The following LMNB2 variants were observed in gnomAD, a reference collection of about 807,000 sequenced individuals.
LMNB2 encodes the protein lamin B2, also known as lamin-B2.
In LMNB2, 17 loss-of-function variants were observed where a neutral mutation model predicts 69.3. The ratio of observed to expected loss-of-function variants is 0.25; its 90% confidence interval spans 0.17 to 0.37. LMNB2 has a LOEUF of 0.37. Ranked by LOEUF, LMNB2 falls within the 10% of genes least tolerant of loss-of-function variation. The pLI is 1.00. For missense variants in LMNB2, 789 were observed against 883.6 expected (o/e 0.89, Z 1.36); for synonymous variants, 397 against 389.3 (o/e 1.02, Z -0.23).
chr19:2,455,098 C>G (rs1203121449), intron 1 of LMNB2, among the ~76,000 whole-genome samples: 1 of 152,038 alleles, frequency 6.6e-6, no homozygotes, highest in Non-Finnish European at 1.5e-5. Context: ...CCGTGGGACC[C>G]CAAGGTATCA....
In LMNB2 at chr19:2,453,666, T is replaced by A. The variant is rs1027902948; in HGVS notation, c.264+3004A>T. 7.9e-5 allele frequency among the ~76,000 whole-genome samples: 12 copies of A among 151,976 alleles called. No homozygotes were observed. Among genetic ancestry groups the A allele is most frequent in the South Asian group, 2.1e-4 (1 of 4,816 alleles). ...AGACCCGCATTTCACCCAGCCTGAGTGAACTGAGTTGTAAAGGATGCTGCT... is the reference window on the plus strand; with the variant it reads ...AGACCCGCATTTCACCCAGCCTGAGAGAACTGAGTTGTAAAGGATGCTGCT... On this transcript the variant is annotated intron_variant, in intron 1 of 11. Coordinates refer to ENST00000325327, the MANE Select transcript of LMNB2 (RefSeq NM_032737.4). This position sits in a 1 kb window ranked among gnomAD's most constrained non-coding sequence, Gnocchi z 4.4.
At position 2,435,283 on chromosome 19, in the gene LMNB2, T is replaced by C. The variant is rs1971808791; in HGVS notation, c.685-112A>G. ...AACCTCCAGGCAATTCCTGGTTCCT[T>C]GTGCACAAGTTACAAACCGATACAC... On this transcript the variant is annotated intron_variant, in intron 4 of 11. Transcript: ENST00000325327. The C allele has an allele frequency of 2.1e-6, 3 of 1,437,528 alleles. No homozygotes were observed. The African/African-American group carries it at 4.2e-5, about 20-fold the overall frequency. The allele number at this position is 1,437,528 out of a possible 1,614,324, so 89.0% of individuals were successfully genotyped here. A position where few individuals can be genotyped will look rare whatever the true frequency, so the allele number is the denominator to read the frequency against.
chr19:2,431,980 C>A, intron 9 of LMNB2, 78 bp from the exon 10 acceptor site: 1 of 1,534,458 alleles, frequency 6.5e-7, no homozygotes, highest in Non-Finnish European at 8.8e-7. Context: ...GCCCCTACCA[C>A]AAAGCCCCCT....
At chr19:2,431,734 A>ACC in intron 10 of LMNB2, 49 bp downstream of exon 10, 1 of 1,613,370 alleles carries the variant, frequency 6.2e-7, no homozygotes, top group Non-Finnish European at 8.5e-7. Context: ...GGGTGCCCAG[A>ACC]CCCTGCCCAG....
At chr19:2,444,606 G>T in intron 1 of LMNB2, 66 bp from the exon 2 acceptor site, 2 of 1,586,990 alleles carry the variant, frequency 1.3e-6, no homozygotes, top group Non-Finnish European at 1.7e-6. Context: ...CAGTCAGGGG[G>T]CCCGGCCACT....
chr19:2,456,641 C>A, intron 1 of LMNB2, 29 bp downstream of exon 1: 1 of 1,459,478 alleles, frequency 6.9e-7, no homozygotes, highest in South Asian at 1.3e-5. Flanking sequence ...GGCTGCACCC[C>A]CGCCCGGCCC....
At chr19:2,452,469 T>G (rs1183231120) in intron 1 of LMNB2, among the ~76,000 whole-genome samples, 7 of 147,086 alleles carry the variant, frequency 4.8e-5, no homozygotes, top group African/African-American at 7.6e-5. Flanking sequence ...GGCTCACACC[T>G]GCAATCCCAG....
At chr19:2,445,580 C>T (rs1423155603) in intron 1 of LMNB2, among the ~76,000 whole-genome samples, 2 of 127,470 alleles carry the variant, frequency 1.6e-5, no homozygotes, top group Non-Finnish European at 3.2e-5. Context: ...TAGTCAGAGT[C>T]CCCAACTCCC....
rs1318277920 is a variant in LMNB2 at position 2,429,033 on chromosome 19, C to G, written c.*1878G>C. 6.6e-6 allele frequency: 1 copy of G among 152,260 alleles called. No individual in the cohort carries two copies. The highest frequency in any genetic ancestry group is 6.5e-5 in the Admixed American group (1 of 15,284). 9.4% of individuals were successfully genotyped at this position (152,260 alleles called of 1,614,324 possible). On this transcript the variant is annotated 3_prime_UTR_variant, in exon 12 of 12. Transcript: ENST00000325327. ...GCGGGTTTTGGGGGGGACTTTGTCC[C>G]TGAGCCCAGCCTGCAAGGCTGTCGG...
chr19:2,434,622 C>A, intron 6 of LMNB2, 107 bp from the exon 7 acceptor site: 1 of 1,509,968 alleles, frequency 6.6e-7, no homozygotes, highest in Non-Finnish European at 8.9e-7. Context: ...GGGGCAGAGA[C>A]CAGGCCTGGG....
Position 2,447,932 on chromosome 19 carries a change from G to A in LMNB2, c.265-3392C>T, listed in dbSNP as rs1302767361. Among the ~76,000 whole-genome samples the A allele has an allele frequency of 6.6e-6, 1 of 152,232 alleles. No homozygotes were observed. On this transcript the variant is annotated intron_variant, in intron 1 of 11. Coordinates refer to ENST00000325327, the MANE Select transcript of LMNB2 (RefSeq NM_032737.4). The surrounding 1 kb of genome is among the most constrained non-coding windows in gnomAD (Gnocchi z 4.4). ...GTCAGCCTACAGTGGGGCGGGATAA[G>A]GGTTCCCAACCTGATTTTATGTATG...
chr19:2,444,987 G>C (rs1002009364), intron 1 of LMNB2, among the ~76,000 whole-genome samples: 1 of 152,192 alleles, frequency 6.6e-6, no homozygotes, highest in Non-Finnish European at 1.5e-5. Context: ...ATAGCGACAC[G>C]ATGCCTGGCC....
intron 4 of LMNB2, 40 bp downstream of exon 4, chr19:2,438,123 T>G: frequency 6.2e-7 from 1 of 1,611,686 alleles, no homozygotes; most frequent in Admixed American, 1.7e-5. Context: ...GGACTTTGCG[T>G]TTCCGCTGTG....
At chr19:2,432,336 C>CA in intron 9 of LMNB2, 80 bp downstream of exon 9, 6 of 988,404 alleles carry the variant, frequency 6.1e-6, no homozygotes, top group Non-Finnish European at 6.3e-6. Context: ...CCACCCCCGC[C>CA]AAGTCCTGTG....
rs1972087108 is a variant in LMNB2 at position 2,456,264 on chromosome 19, AC to A, written c.264+405del. Among the ~76,000 whole-genome samples the A allele has an allele frequency of 3.0e-5, 4 of 133,804 alleles. No individual in the cohort carries two copies. The South Asian group carries it at 9.6e-4, about 32-fold the overall frequency. The allele number at this position is 133,804 out of a possible 152,430, so 87.8% of individuals were successfully genotyped here. A position where few individuals can be genotyped will look rare whatever the true frequency, so the allele number is the denominator to read the frequency against. On this transcript the variant is annotated intron_variant, in intron 1 of 11. Transcript: ENST00000325327. The stretch of plus-strand genomic sequence containing the variant: ...AGTGGGCTGGGCCTAGCCGAGCAGC[AC>A]CCCTCACTCAGAAGCCCCCAAACCT...
At chr19:2,446,182 G>A (rs1359393351) in intron 1 of LMNB2, among the ~76,000 whole-genome samples, 1 of 133,654 alleles carries the variant, frequency 7.5e-6, no homozygotes, top group East Asian at 2.2e-4. Flanking sequence ...CGATCACAGG[G>A]ATCTGTAGTC....
At position 2,434,534 on chromosome 19, in the gene LMNB2, G is replaced by C; in HGVS notation, c.982-19C>G. The C allele has an allele frequency of 6.2e-7, 1 of 1,608,396 alleles. No homozygotes were observed. Among genetic ancestry groups the C allele is most frequent in the Non-Finnish European group, 8.5e-7 (1 of 1,178,948 alleles). On this transcript the variant is annotated intron_variant, in intron 6 of 11. Transcript: ENST00000325327. Reference sequence around the variant, plus strand: ...CACTGGCCTGCGGAGGGGGCGGGTGGCGAAGGTCAGGGCAGCCCATGGGTC... The same window carrying C: ...CACTGGCCTGCGGAGGGGGCGGGTGCCGAAGGTCAGGGCAGCCCATGGGTC...
chr19:2,440,513 T>C (rs1971886169), intron 2 of LMNB2, among the ~76,000 whole-genome samples: 1 of 152,182 alleles, frequency 6.6e-6, no homozygotes, highest in Non-Finnish European at 1.5e-5. Context: ...TATCTATCTA[T>C]TGCTCTATCT....
At chr19:2,431,724 G>A in intron 10 of LMNB2, 59 bp downstream of exon 10, 1 of 1,613,642 alleles carries the variant, frequency 6.2e-7, no homozygotes, top group South Asian at 1.1e-5. Flanking sequence ...GCGGCCCCGA[G>A]GGTGCCCAGA....
Sources: gnomAD v4.1 joint callset for allele counts (sites outside exome capture counted in the v4.1 genomes callset) on GRCh38, gnomAD v4.1.1 for gene constraint, Gnocchi (gnomAD v3.1) non-coding constraint, MANE v1.5 for transcripts, NCBI Gene and HGNC (gene_info 2026-07-23, HGNC 2026-07-21) for gene names.